The following PHIP variants were observed in gnomAD, a reference collection of about 807,000 sequenced individuals.
PHIP encodes the protein PHIP subunit of CUL4-Ring ligase complex.
In PHIP, 54 loss-of-function variants were observed where a neutral mutation model predicts 236.8. The observed-to-expected ratio is 0.23, with a 90% CI of 0.18 to 0.29. The LOEUF (loss-of-function observed/expected upper bound fraction) is 0.29. Among genes scored for constraint, PHIP ranks in the 10% least tolerant of loss-of-function variants. PHIP has a pLI of 1.00. For synonymous variants in PHIP, 756 were observed against 718.9 expected, an observed-to-expected ratio of 1.05 and a Z score of -0.83; for missense variants, 1,370 against 2,190.8, an observed-to-expected ratio of 0.63 and a Z score of 7.48.
Position 78,940,076 on chromosome 6 carries a change from T to TTAA in PHIP, c.*616_*617insTTA, listed in dbSNP as rs10654924. On this transcript the variant is annotated 3_prime_UTR_variant, in exon 40 of 40. Coordinates refer to ENST00000275034, the MANE Select transcript of PHIP (RefSeq NM_017934.7). ...TTCCCTTCATCAGTACATTTTCTCT[T>TTAA]GTTTGGCAGAAATGGAATAAAGCAA... The TTAA allele has an allele frequency of 6.6e-6, 1 of 152,224 alleles. No individual in the cohort carries two copies. Among genetic ancestry groups the TTAA allele is most frequent in the Admixed American group, 6.6e-5 (1 of 15,230 alleles). 9.4% of individuals were successfully genotyped at this position (152,224 alleles called of 1,614,324 possible). A position where few individuals can be genotyped will look rare whatever the true frequency, so the allele number is the denominator to read the frequency against.
chr6:79,064,306 A>T (rs1212577865), intron 4 of PHIP, among the ~76,000 whole-genome samples: 1 of 152,078 alleles, frequency 6.6e-6, no homozygotes. Context: ...TTTAGGAAAA[A>T]ACAAAAATCC....
chr6:79,003,688 TA>T (rs571084682), intron 16 of PHIP, 41 bp downstream of exon 16: 2,771 of 1,297,554 alleles, frequency 2.1e-3, no homozygotes, highest in South Asian at 3.4e-3. Flanking sequence ...AAACATGCAT[TA>T]AAAAAAAATA....
intron 4 of PHIP, among the ~76,000 whole-genome samples, chr6:79,077,024 A>AG (rs761448618): frequency 1.3e-5 from 2 of 152,172 alleles, no homozygotes; most frequent in Non-Finnish European, 2.9e-5. Flanking sequence ...GCTATTGTGT[A>AG]GGGCAGGAGA....
At chr6:78,984,889 A>G (rs948060930) in intron 22 of PHIP, among the ~76,000 whole-genome samples, 2 of 152,200 alleles carry the variant, frequency 1.3e-5, no homozygotes, top group African/African-American at 4.8e-5. Flanking sequence ...CTCTGCAACA[A>G]TGTGAATCGC....
chr6:79,015,234 T>C lies in PHIP; in HGVS notation c.1390-18A>G, dbSNP rs1182152331. On this transcript the variant is annotated intron_variant, in intron 14 of 39. Coordinates refer to ENST00000275034, the MANE Select transcript of PHIP (RefSeq NM_017934.7). ...TCATGACCCTGAAATATTTTTGAAG[T>C]GTCAAAGAATCATAGATATTAAAAA... is the stretch of plus-strand genomic sequence containing the variant. 3 of 1,582,762 alleles carry C rather than the reference T, an allele frequency of 1.9e-6. No homozygotes were observed. Among genetic ancestry groups the C allele is most frequent in the Non-Finnish European group, 2.6e-6 (3 of 1,153,418 alleles).
chr6:78,954,966 G>A lies in PHIP; in HGVS notation c.3904-3C>T. 3 of 1,536,154 alleles carry A rather than the reference G, an allele frequency of 2.0e-6. No individual in the cohort carries two copies. Among genetic ancestry groups the A allele is most frequent in the Non-Finnish European group, 2.6e-6 (3 of 1,147,324 alleles). ...AATCTTCTTCTAGGCTGATGGTCCT[G>A]TGATAAAAGTGTTCAAATATATTAA... On this transcript the variant is annotated splice_region_variant and splice_polypyrimidine_tract_variant and intron_variant, in intron 34 of 39. Coordinates refer to ENST00000275034, the MANE Select transcript of PHIP (RefSeq NM_017934.7).
rs755776244 is a variant in PHIP, at chr6:79,015,229, TG to T, written c.1390-14del. On this transcript the variant is annotated splice_polypyrimidine_tract_variant and intron_variant, in intron 14 of 39. Transcript: ENST00000275034. ...CATCTTCATGACCCTGAAATATTTT[TG>T]AAGTGTCAAAGAATCATAGATATTA... 73 of 1,597,192 alleles carry T rather than the reference TG, an allele frequency of 4.6e-5. No individual in the cohort carries two copies. Among genetic ancestry groups the T allele is most frequent in the Non-Finnish European group, 6.2e-5 (72 of 1,165,820 alleles).
chr6:79,050,214 G>A (rs915627023), intron 6 of PHIP, among the ~76,000 whole-genome samples: 5 of 152,100 alleles, frequency 3.3e-5, no homozygotes, highest in African/African-American at 1.2e-4. Flanking sequence ...AAAGGCTACA[G>A]AACACTCTTA....
In PHIP at chr6:79,042,786, A is replaced by T. The variant is rs114316983; in HGVS notation, c.600+57T>A. 459 of 1,276,404 alleles carry T rather than the reference A, an allele frequency of 3.6e-4. 1 individual carries two copies. In the African/African-American group the frequency reaches 6.4e-3, roughly 18 times the overall value. The allele number at this position is 1,276,404 out of a possible 1,614,324, so 79.1% of individuals were successfully genotyped here. On this transcript the variant is annotated intron_variant, in intron 7 of 39. Transcript: ENST00000275034. ...AGGTTTTACTTCAAGTTCACCTATA[A>T]GCAATATTTCCTCAATTACATATAT...
intron 23 of PHIP, among the ~76,000 whole-genome samples, chr6:78,980,150 C>A (rs1768414874): frequency 6.6e-6 from 1 of 152,036 alleles, no homozygotes; most frequent in African/African-American, 2.4e-5. Context: ...CAGGGCAAGT[C>A]TGGCCTGCCA....
chr6:78,991,790 A>G (rs1242925847), intron 19 of PHIP, among the ~76,000 whole-genome samples: 1 of 152,058 alleles, frequency 6.6e-6, no homozygotes, highest in East Asian at 1.9e-4. Flanking sequence ...TGAATGGAAA[A>G]TAAAATGAGC....
intron 4 of PHIP, among the ~76,000 whole-genome samples, chr6:79,069,622 C>T (rs1249590957): frequency 6.6e-6 from 1 of 152,032 alleles, no homozygotes; most frequent in Non-Finnish European, 1.5e-5. Flanking sequence ...GTTACAGCTT[C>T]CTTATTAGAA....
chr6:79,029,356 T>C (rs543237563), intron 7 of PHIP, among the ~76,000 whole-genome samples: 1 of 152,300 alleles, frequency 6.6e-6, no homozygotes, highest in African/African-American at 2.4e-5. Flanking sequence ...TTTAACTTTA[T>C]GGAAATTTGA....
chr6:78,988,421 T>G lies in PHIP; in HGVS notation c.2320-72A>C, dbSNP rs1399356258. On this transcript the variant is annotated intron_variant, in intron 20 of 39. Coordinates refer to ENST00000275034, the MANE Select transcript of PHIP (RefSeq NM_017934.7). ...GGATTTTTAGTTTAAAAGTTAAAATTTTTTAATTAAAAAAATTCAAGCTGG... is the reference window on the plus strand; with the variant it reads ...GGATTTTTAGTTTAAAAGTTAAAATGTTTTAATTAAAAAAATTCAAGCTGG... 10 of 1,197,006 alleles carry G rather than the reference T, an allele frequency of 8.4e-6. No homozygotes were observed. In the Admixed American group the frequency reaches 3.0e-4, roughly 36 times the overall value. The allele number at this position is 1,197,006 out of a possible 1,614,324, so 74.1% of individuals were successfully genotyped here. A position where few individuals can be genotyped will look rare whatever the true frequency, so the allele number is the denominator to read the frequency against.
Position 78,938,339 on chromosome 6 carries a change from T to C in PHIP, c.*2354A>G, listed in dbSNP as rs1164832710. The stretch of plus-strand genomic sequence containing the variant: ...GGAAAGATGGTAAATACTCATTTCT[T>C]TGCTTGAGTTGGAATTAACACATAC... On this transcript the variant is annotated 3_prime_UTR_variant, in exon 40 of 40. Coordinates refer to ENST00000275034, the MANE Select transcript of PHIP (RefSeq NM_017934.7). The C allele has an allele frequency of 6.6e-6, 1 of 151,648 alleles. No homozygotes were observed. Among genetic ancestry groups the C allele is most frequent in the South Asian group, 2.1e-4 (1 of 4,832 alleles). 9.4% of individuals were successfully genotyped at this position (151,648 alleles called of 1,614,324 possible).
intron 22 of PHIP, among the ~76,000 whole-genome samples, chr6:78,983,715 A>G (rs1768687935): frequency 6.6e-6 from 1 of 152,114 alleles, no homozygotes; most frequent in Non-Finnish European, 1.5e-5. Flanking sequence ...TCATTTAGAT[A>G]AAATTATTCT....
At chr6:78,945,758 GTGAT>G (rs2127681990) in intron 38 of PHIP, 1 of 597,720 alleles carries the variant, frequency 1.7e-6, no homozygotes, top group Non-Finnish European at 2.9e-6. Context: ...TGTGGGTACT[GTGAT>G]TTAAATTCAG....
intron 35 of PHIP, among the ~76,000 whole-genome samples, chr6:78,951,271 A>T (rs1382477927): frequency 6.6e-6 from 1 of 152,178 alleles, no homozygotes; most frequent in Non-Finnish European, 1.5e-5. Context: ...TTCTTGGCTC[A>T]TATCTTGGGC....
At chr6:79,014,130 T>C (rs1210865859) in intron 15 of PHIP, among the ~76,000 whole-genome samples, 2 of 149,428 alleles carry the variant, frequency 1.3e-5, no homozygotes, top group African/African-American at 4.9e-5. Flanking sequence ...CTAAAGCTAT[T>C]TCCCTCACTA....
Sources: allele counts gnomAD v4.1 joint callset (sites outside exome capture counted in the v4.1 genomes callset), GRCh38; gene constraint gnomAD v4.1.1; transcripts MANE v1.5; gene names NCBI Gene and HGNC (gene_info 2026-07-23, HGNC 2026-07-21).